RALGPS2: variants seen among roughly 807,000 people sequenced by gnomAD.
The protein encoded by RALGPS2 is ras-specific guanine nucleotide-releasing factor RalGPS2.
In RALGPS2, 43 loss-of-function variants were observed where a neutral mutation model predicts 86.8. That is an observed-to-expected ratio of 0.50 (90% CI 0.39 to 0.64). RALGPS2 has a LOEUF of 0.64. Among genes scored for constraint, RALGPS2 ranks in the 30% least tolerant of loss-of-function variants. RALGPS2 has a pLI of 0.00. For missense variants in RALGPS2, 536 were observed against 694.6 expected, an observed-to-expected ratio of 0.77 and a Z score of 2.57; for synonymous variants, 243 against 231.3, an observed-to-expected ratio of 1.05 and a Z score of -0.46.
intron 1 of RALGPS2, among the ~76,000 whole-genome samples, chr1:178,765,925 T>C (rs2102074151): frequency 6.6e-6 from 1 of 152,324 alleles, no homozygotes; most frequent in South Asian, 2.1e-4. Context: ...ATCGCTGTTA[T>C]CCTGTTCTTT....
chr1:178,892,281 C>G lies in RALGPS2; in HGVS notation c.1299C>G (p.Gly433=). ...LGPVTRVARN[G]YRSHMKASSS... is the part of the protein sequence containing the mutation. ...CGGTGACAAGAGTGGCACGAAATGG[C>G]TATCGAAGTCACATGAAGGCCAGCA... Residue 433 remains glycine, a synonymous_variant, in exon 15 of 20, where the codon GGC becomes GGG. Transcript: ENST00000367635. The G allele has an allele frequency of 2.5e-6, 4 of 1,612,640 alleles. No homozygotes were observed. The highest frequency in any genetic ancestry group is 3.4e-6 in the Non-Finnish European group (4 of 1,179,064).
intron 15 of RALGPS2, among the ~76,000 whole-genome samples, chr1:178,893,415 T>G (rs1054564987): frequency 6.6e-6 from 1 of 151,670 alleles, no homozygotes; most frequent in South Asian, 2.1e-4. Context: ...ACTTTATTAC[T>G]TCTTTCTGCT....
intron 4 of RALGPS2, among the ~76,000 whole-genome samples, 160 bp downstream of exon 4, chr1:178,785,767 G>A (rs1370814268): frequency 6.6e-6 from 1 of 151,980 alleles, no homozygotes; most frequent in Non-Finnish European, 1.5e-5. Context: ...AACCCACGTG[G>A]CATTCATAGC....
intron 6 of RALGPS2, among the ~76,000 whole-genome samples, chr1:178,818,253 G>A (rs1292645965): frequency 3.3e-5 from 5 of 152,084 alleles, no homozygotes; most frequent in Non-Finnish European, 5.9e-5. Flanking sequence ...CCAGCTACTC[G>A]GGAGGCTGAA....
At chr1:178,882,208 A>G (rs896742908) in intron 10 of RALGPS2, among the ~76,000 whole-genome samples, 1 of 126,328 alleles carries the variant, frequency 7.9e-6, no homozygotes, top group Admixed American at 7.5e-5. Flanking sequence ...GATTCACCCA[A>G]TAAGCTCCCT....
At chr1:178,894,402 C>T (rs1427318257) in intron 16 of RALGPS2, 2 of 154,920 alleles carry the variant, frequency 1.3e-5, no homozygotes, top group Non-Finnish European at 2.9e-5. Flanking sequence ...TTCACAGATA[C>T]AAAATTTGTT....
At chr1:178,874,814 G>GTCT (rs1181031052) in intron 8 of RALGPS2, among the ~76,000 whole-genome samples, 1 of 152,126 alleles carries the variant, frequency 6.6e-6, no homozygotes, top group Non-Finnish European at 1.5e-5. Context: ...TAGGGCAGGA[G>GTCT]TCTCACCATG....
At chr1:178,750,077 C>T (rs7544146) in intron 1 of RALGPS2, among the ~76,000 whole-genome samples, 1 of 152,258 alleles carries the variant, frequency 6.6e-6, no homozygotes, top group East Asian at 1.9e-4. Flanking sequence ...CGCCACTGTT[C>T]GCCAGCCTTG....
At chr1:178,892,107 T>C in intron 14 of RALGPS2, 123 bp from the exon 15 acceptor site, 2 of 942,174 alleles carry the variant, frequency 2.1e-6, no homozygotes, top group Non-Finnish European at 3.1e-6. Context: ...TCACATACTA[T>C]CCTTTTGTAA....
rs201568486 is a variant in RALGPS2, at chr1:178,763,096, A to C, written c.-83-13586A>C. 6.6e-5 allele frequency among the ~76,000 whole-genome samples: 10 copies of C among 152,320 alleles called. No homozygotes were observed. The East Asian group carries it at 1.9e-3, about 29-fold the overall frequency. ...CCACTTATCCCAGCACCATTTATTGAATAGGGAGTCTTTTCCCCATTGCTT... is the reference window on the plus strand; with the variant it reads ...CCACTTATCCCAGCACCATTTATTGCATAGGGAGTCTTTTCCCCATTGCTT... On this transcript the variant is annotated intron_variant, in intron 1 of 19. Coordinates refer to ENST00000367635, the MANE Select transcript of RALGPS2 (RefSeq NM_152663.5).
intron 2 of RALGPS2, among the ~76,000 whole-genome samples, chr1:178,783,685 A>G (rs567052722): frequency 2.6e-5 from 4 of 152,268 alleles, no homozygotes; most frequent in South Asian, 2.1e-4. Flanking sequence ...TCCTACCACC[A>G]TTTAATAGAG....
chr1:178,868,202 T>C (rs1242410966), intron 8 of RALGPS2, among the ~76,000 whole-genome samples: 2 of 151,930 alleles, frequency 1.3e-5, no homozygotes, highest in Non-Finnish European at 2.9e-5. Flanking sequence ...AAATAGACTT[T>C]TACTATGTAG....
intron 19 of RALGPS2, 33 bp downstream of exon 19, chr1:178,906,900 A>G (rs746901160): frequency 1.3e-6 from 2 of 1,586,502 alleles, no homozygotes; most frequent in Admixed American, 1.7e-5. Flanking sequence ...AGAATAGTCC[A>G]TAATTTGGGA....
chr1:178,821,404 G>A (rs1655497477), intron 6 of RALGPS2, among the ~76,000 whole-genome samples: 1 of 152,100 alleles, frequency 6.6e-6, no homozygotes, highest in Admixed American at 6.6e-5. Flanking sequence ...AGAGTTTGGG[G>A]ACAATGCCAG....
intron 13 of RALGPS2, among the ~76,000 whole-genome samples, chr1:178,887,381 A>T (rs1292250086): frequency 6.6e-6 from 1 of 152,220 alleles, no homozygotes; most frequent in Non-Finnish European, 1.5e-5. Flanking sequence ...TGAACCCAGG[A>T]AACAGAGGTT....
chr1:178,917,799 T>C lies in RALGPS2; in HGVS notation c.*1440T>C, dbSNP rs1024434957. On this transcript the variant is annotated 3_prime_UTR_variant, in exon 20 of 20. Transcript: ENST00000367635. ...AACAAAGGCTATATGTCGAATGTTA[T>C]AAACTCTTGAGACATAATGAATTTT... 5.3e-5 allele frequency: 8 copies of C among 152,166 alleles called. No homozygotes were observed. Among genetic ancestry groups the C allele is most frequent in the African/African-American group, 1.9e-4 (8 of 41,448 alleles). The allele number at this position is 152,166 out of a possible 1,614,324, so 9.4% of individuals were successfully genotyped here. A position where few individuals can be genotyped will look rare whatever the true frequency, so the allele number is the denominator to read the frequency against.
chr1:178,784,905 G>A (rs1178139874), intron 3 of RALGPS2, among the ~76,000 whole-genome samples: 1 of 151,968 alleles, frequency 6.6e-6, no homozygotes, highest in East Asian at 1.9e-4. Flanking sequence ...GGTGTTATTA[G>A]ATGAAAGGTA....
At position 178,919,410 on chromosome 1, in the gene RALGPS2, G is replaced by A. The variant is rs1353091730; in HGVS notation, c.*3051G>A. 6.6e-6 allele frequency: 1 copy of A among 151,878 alleles called. No individual in the cohort carries two copies. The highest frequency in any genetic ancestry group is 6.6e-5 in the Admixed American group (1 of 15,220). 9.4% of individuals were successfully genotyped at this position (151,878 alleles called of 1,614,324 possible). ...GTTCTTTCTGTATATCAAAAGTCAG[G>A]GTGTTTATAACTGCAAAGTTTGTAT... is the stretch of plus-strand genomic sequence containing the variant. On this transcript the variant is annotated 3_prime_UTR_variant, in exon 20 of 20. Transcript: ENST00000367635.
rs1042431448 is a variant in RALGPS2 at position 178,920,237 on chromosome 1, G to A, written c.*3878G>A. 6.6e-6 allele frequency: 1 copy of A among 151,964 alleles called. No homozygotes were observed. Among genetic ancestry groups the A allele is most frequent in the Non-Finnish European group, 1.5e-5 (1 of 67,874 alleles). The allele number at this position is 151,964 out of a possible 1,614,324, so 9.4% of individuals were successfully genotyped here. ...GATTTTGCTCCCCTAAAAATGGCTT[G>A]TGTCTAAAGTGACATTTTTTTCCCT... On this transcript the variant is annotated 3_prime_UTR_variant, in exon 20 of 20. Transcript: ENST00000367635.
Sources: allele counts gnomAD v4.1 joint callset (sites outside exome capture counted in the v4.1 genomes callset), GRCh38; gene constraint gnomAD v4.1.1; transcripts MANE v1.5; gene names NCBI Gene and HGNC (gene_info 2026-07-23, HGNC 2026-07-21).